KPNA6: variants seen among roughly 807,000 people sequenced by gnomAD.
KPNA6 encodes importin subunit alpha-7.
A neutral mutation model predicts 72.0 loss-of-function variants in KPNA6; 9 were observed. The observed-to-expected ratio is 0.13, with a 90% CI of 0.08 to 0.22. The LOEUF (loss-of-function observed/expected upper bound fraction) is 0.22, where lower values mean the gene tolerates loss of function less well. Among genes scored for constraint, KPNA6 ranks in the 10% least tolerant of loss-of-function variants. The pLI is 1.00. For missense variants in KPNA6, 374 were observed against 655.7 expected (o/e 0.57, Z 4.69); for synonymous variants, 219 against 242.1 (o/e 0.90, Z 0.89).
At chr1:32,112,485 T>TTTTA (rs533432336) in intron 1 of KPNA6, among the ~76,000 whole-genome samples, 216 of 152,162 alleles carry the variant, frequency 1.4e-3, no homozygotes, top group Admixed American at 8.2e-3. Context: ...AAAGTACCTC[T>TTTTA]TTTATTTATT....
At chr1:32,128,771 C>T (rs1641586408) in intron 1 of KPNA6, among the ~76,000 whole-genome samples, 1 of 152,020 alleles carries the variant, frequency 6.6e-6, no homozygotes, top group African/African-American at 2.4e-5. Context: ...ACTGTTTTCT[C>T]GTTTGCAACA....
intron 5 of KPNA6, among the ~76,000 whole-genome samples, chr1:32,158,601 T>C (rs927719872): frequency 5.9e-5 from 9 of 152,326 alleles, no homozygotes; most frequent in Admixed American, 3.9e-4. Flanking sequence ...AGTCACCCTA[T>C]TGTGTTACCA....
intron 12 of KPNA6, among the ~76,000 whole-genome samples, chr1:32,168,225 G>A (rs1281080477): frequency 4.6e-5 from 7 of 152,182 alleles, no homozygotes; most frequent in South Asian, 2.1e-4. Context: ...TGAAAGAAGC[G>A]AATAGAAAGC....
At chr1:32,144,821 T>A (rs567770068) in intron 1 of KPNA6, among the ~76,000 whole-genome samples, 1 of 152,098 alleles carries the variant, frequency 6.6e-6, no homozygotes, top group South Asian at 2.1e-4. Context: ...CAGCTAATTT[T>A]GTATTTTTAG....
intron 1 of KPNA6, among the ~76,000 whole-genome samples, chr1:32,144,271 G>A (rs1471746689): frequency 6.6e-6 from 1 of 152,132 alleles, no homozygotes; most frequent in East Asian, 1.9e-4. Context: ...CTGGACAAAG[G>A]GATGATTCAT....
rs531012263 is a variant in KPNA6, at chr1:32,133,961, G to A, written c.5-20627G>A. 1.1e-4 allele frequency among the ~76,000 whole-genome samples: 17 copies of A among 152,076 alleles called. No homozygotes were observed. The East Asian group carries it at 3.3e-3, about 29-fold the overall frequency. ...AGGCTGAAGGAAGAGAATTGCTTGA[G>A]GCCAGGCGTGGTGGCTCATGCCTGT... On this transcript the variant is annotated intron_variant, in intron 1 of 13. Coordinates refer to ENST00000373625, the MANE Select transcript of KPNA6 (RefSeq NM_012316.5).
chr1:32,117,556 A>G (rs985807959), intron 1 of KPNA6, among the ~76,000 whole-genome samples: 2 of 151,886 alleles, frequency 1.3e-5, no homozygotes, highest in African/African-American at 2.4e-5. Context: ...TTGGGAGGCT[A>G]AGGCAGGTGA....
chr1:32,171,942 A>G lies in KPNA6; in HGVS notation c.*1048A>G. ...GGAGGGTGGAGTGAGAGTGTCATGT[A>G]TTGGGATAGTCAGGGATCCCTGCCT... On this transcript the variant is annotated 3_prime_UTR_variant, in exon 14 of 14. Coordinates refer to ENST00000373625, the MANE Select transcript of KPNA6 (RefSeq NM_012316.5). 6.6e-6 allele frequency: 1 copy of G among 152,118 alleles called. No homozygotes were observed. Among genetic ancestry groups the G allele is most frequent in the East Asian group, 1.9e-4 (1 of 5,200 alleles). 9.4% of individuals were successfully genotyped at this position (152,118 alleles called of 1,614,324 possible).
At chr1:32,153,548 G>A (rs1642076413) in intron 1 of KPNA6, among the ~76,000 whole-genome samples, 1 of 136,964 alleles carries the variant, frequency 7.3e-6, no homozygotes, top group Non-Finnish European at 1.5e-5. Context: ...TCCAGCCTGG[G>A]CAACAAAAGT....
intron 1 of KPNA6, among the ~76,000 whole-genome samples, chr1:32,113,921 T>C (rs1479444269): frequency 6.6e-6 from 1 of 152,256 alleles, no homozygotes; most frequent in Non-Finnish European, 1.5e-5. Context: ...GTTATCTTGC[T>C]GTTTCCACCC....
intron 1 of KPNA6, among the ~76,000 whole-genome samples, chr1:32,122,561 G>A (rs1260011007): frequency 1.3e-5 from 2 of 151,978 alleles, no homozygotes; most frequent in Non-Finnish European, 1.5e-5. Context: ...CAGGTGGGAG[G>A]ATCACTTGAG....
intron 1 of KPNA6, among the ~76,000 whole-genome samples, chr1:32,131,474 C>T (rs1641634409): frequency 6.6e-6 from 1 of 151,910 alleles, no homozygotes; most frequent in African/African-American, 2.4e-5. Flanking sequence ...CAAAGTGAGA[C>T]CCTGTCTCTA....
At chr1:32,145,615 C>G (rs1327512035) in intron 1 of KPNA6, among the ~76,000 whole-genome samples, 2 of 151,982 alleles carry the variant, frequency 1.3e-5, no homozygotes, top group East Asian at 3.9e-4. Context: ...GTGAGCCACC[C>G]CGCCTGGTCT....
At chr1:32,138,733 G>A (rs900126991) in intron 1 of KPNA6, among the ~76,000 whole-genome samples, 13 of 152,010 alleles carry the variant, frequency 8.6e-5, no homozygotes, top group African/African-American at 3.1e-4. Context: ...AGAAAAATTG[G>A]GAGAGGATGG....
At chr1:32,115,437 CT>C (rs1180149597) in intron 1 of KPNA6, among the ~76,000 whole-genome samples, 6 of 149,520 alleles carry the variant, frequency 4.0e-5, no homozygotes, top group African/African-American at 4.9e-5. Context: ...CTGTGCCCAA[CT>C]TTTTTTTTTA....
chr1:32,111,197 T>C (rs1052319303), intron 1 of KPNA6, among the ~76,000 whole-genome samples: 7 of 152,144 alleles, frequency 4.6e-5, no homozygotes, highest in Non-Finnish European at 1.0e-4. Context: ...CTCAGTGAAA[T>C]AAGTAGAGAT....
At chr1:32,114,704 C>G (rs1208934977) in intron 1 of KPNA6, among the ~76,000 whole-genome samples, 3 of 152,166 alleles carry the variant, frequency 2.0e-5, no homozygotes, top group Admixed American at 1.3e-4. Context: ...TATGAAAGTC[C>G]TAGATGACAT....
At chr1:32,161,873 G>A in intron 7 of KPNA6, 74 bp from the exon 8 acceptor site, 1 of 1,093,402 alleles carries the variant, frequency 9.1e-7, no homozygotes, top group South Asian at 1.3e-5. Context: ...CATTGGATTT[G>A]TCTCTGGGTT....
Position 32,150,127 on chromosome 1 carries a change from C to CTTTTTTTTTTT in KPNA6, c.5-4448_5-4438dup, listed in dbSNP as rs35179721. Among the ~76,000 whole-genome samples, 30 of 87,052 alleles carry CTTTTTTTTTTT rather than the reference C, an allele frequency of 3.4e-4. 1 individual carries two copies. Among genetic ancestry groups the CTTTTTTTTTTT allele is most frequent in the Non-Finnish European group, 6.2e-4 (28 of 44,984 alleles). The allele number at this position is 87,052 out of a possible 152,430, so 57.1% of individuals were successfully genotyped here. A position where few individuals can be genotyped will look rare whatever the true frequency, so the allele number is the denominator to read the frequency against. On this transcript the variant is annotated intron_variant, in intron 1 of 13. Coordinates refer to ENST00000373625, the MANE Select transcript of KPNA6 (RefSeq NM_012316.5). ...GGATTAGATCTGGAAAATTTTTAGT[C>CTTTTTTTTTTT]TTTTTTTTTTTTTTTTTTTTTTTGA... is the stretch of plus-strand genomic sequence containing the variant.
Sources: allele counts gnomAD v4.1 joint callset (sites outside exome capture counted in the v4.1 genomes callset), GRCh38; gene constraint gnomAD v4.1.1; transcripts MANE v1.5; gene names NCBI Gene and HGNC (gene_info 2026-07-23, HGNC 2026-07-21).